KLC1: variants seen among roughly 807,000 people sequenced by gnomAD.
KLC1 encodes kinesin 2 60/70kDa.
KLC1 carries 30 observed loss-of-function variants against 84.2 expected under a neutral mutation model. The ratio of observed to expected loss-of-function variants is 0.36; its 90% CI spans 0.27 to 0.48. KLC1 has a LOEUF of 0.48. Ranked by LOEUF, KLC1 falls within the 20% of genes least tolerant of loss-of-function variation. KLC1 has a pLI of 0.99. For synonymous variants in KLC1, 289 were observed against 293.3 expected, an observed-to-expected ratio of 0.99 and a Z score of 0.15; for missense variants, 499 against 805.4, an observed-to-expected ratio of 0.62 and a Z score of 4.60.
chr14:103,653,244 A>G (rs1323570910), intron 1 of KLC1, among the ~76,000 whole-genome samples: 1 of 152,182 alleles, frequency 6.6e-6, no homozygotes, highest in African/African-American at 2.4e-5. Flanking sequence ...CCTGGACTCA[A>G]GCGATCCTTG....
intron 13 of KLC1, among the ~76,000 whole-genome samples, chr14:103,681,335 C>T (rs1314949610): frequency 1.3e-5 from 2 of 152,322 alleles, no homozygotes; most frequent in East Asian, 3.9e-4. Context: ...AGTGAATTCA[C>T]TGGGTGGGCA....
chr14:103,692,341 T>C lies in KLC1; in HGVS notation c.1782-18T>C, dbSNP rs1314614987. On this transcript the variant is annotated intron_variant, in intron 14 of 16. Transcript: ENST00000334553. ...TGTGCTGATCGTTTGTCCTTGCATGTCCGTGTCCGGGTTGCAGCATGAAGC... is the reference window on the plus strand; with the variant it reads ...TGTGCTGATCGTTTGTCCTTGCATGCCCGTGTCCGGGTTGCAGCATGAAGC... The C allele has an allele frequency of 6.5e-7, 1 of 1,536,424 alleles. No individual in the cohort carries two copies. The highest frequency in any genetic ancestry group is 1.2e-5 in the South Asian group (1 of 84,060).
chr14:103,699,172 T>C, intron 15 of KLC1: 1 of 1,565,698 alleles, frequency 6.4e-7, no homozygotes, highest in Non-Finnish European at 8.6e-7. Flanking sequence ...CTCCATGGCC[T>C]CTGTCACCTG....
In KLC1 at chr14:103,694,734, G is replaced by A. The variant is rs891349994; in HGVS notation, c.1848+2309G>A. 6.9e-5 allele frequency: 68 copies of A among 985,396 alleles called. No individual in the cohort carries two copies. The highest frequency in any genetic ancestry group is 8.0e-5 in the Non-Finnish European group (66 of 829,960). The allele number at this position is 985,396 out of a possible 1,614,324, so 61.0% of individuals were successfully genotyped here. On this transcript the variant is annotated intron_variant, in intron 15 of 16. Transcript: ENST00000334553. The surrounding 1 kb of genome is among the most constrained non-coding windows in gnomAD (Gnocchi z 4.5). ...CAGCTTGCCACTGTCATGTAACAGG[G>A]TGGGTGGTGGCACAGCAGAGGCTCA...
intron 14 of KLC1, among the ~76,000 whole-genome samples, chr14:103,690,063 C>CCAGCTA: frequency 6.6e-6 from 1 of 151,922 alleles, no homozygotes; most frequent in South Asian, 2.1e-4. Flanking sequence ...GCCTGTGGTC[C>CCAGCTA]CAGCTACTCA....
rs1477499902 is a variant in KLC1 at position 103,673,204 on chromosome 14, G to A, written c.1161+17G>A. On this transcript the variant is annotated intron_variant, in intron 8 of 16. Transcript: ENST00000334553. Reference sequence around the variant, plus strand: ...AATAACCTGGTGTGTTGACTGCACAGCACTAGGGAGGGGGCCAGGAGTGCT... The same window carrying A: ...AATAACCTGGTGTGTTGACTGCACAACACTAGGGAGGGGGCCAGGAGTGCT... The A allele has an allele frequency of 6.2e-7, 1 of 1,603,062 alleles. No homozygotes were observed. Among genetic ancestry groups the A allele is most frequent in the Non-Finnish European group, 8.5e-7 (1 of 1,175,540 alleles).
intron 13 of KLC1, chr14:103,686,259 T>A: frequency 1.0e-6 from 1 of 981,124 alleles, no homozygotes; most frequent in Non-Finnish European, 1.2e-6. Context: ...TTGGTAGAAC[T>A]TCTCACTCTT....
intron 15 of KLC1, chr14:103,698,880 G>C: frequency 6.2e-7 from 1 of 1,606,176 alleles, no homozygotes; most frequent in Non-Finnish European, 8.5e-7. Context: ...CAGGTGGGGG[G>C]CAGAGAGCAC....
intron 15 of KLC1, chr14:103,699,532 C>T (rs748230682): frequency 2.5e-5 from 40 of 1,613,432 alleles, no homozygotes; most frequent in Non-Finnish European, 3.1e-5. Context: ...TGCCCCGAGA[C>T]AGCAGTACGG....
intron 5 of KLC1, among the ~76,000 whole-genome samples, chr14:103,668,258 GTCCATTGTTC>G: frequency 6.6e-6 from 1 of 152,316 alleles, no homozygotes; most frequent in Non-Finnish European, 1.5e-5. Context: ...TGCAAGCTTG[GTCCATTGTTC>G]TAGACTGTTG....
intron 5 of KLC1, 64 bp from the exon 6 acceptor site, chr14:103,669,447 G>GAAAAGAA: frequency 2.7e-6 from 2 of 733,366 alleles, no homozygotes; most frequent in Non-Finnish European, 4.1e-6. Context: ...AAAAAGAAAA[G>GAAAAGAA]AAAAGAAAAG....
At chr14:103,658,061 C>T (rs2078955300) in intron 3 of KLC1, among the ~76,000 whole-genome samples, 1 of 152,170 alleles carries the variant, frequency 6.6e-6, no homozygotes, top group African/African-American at 2.4e-5. Flanking sequence ...TAGCAGTGGT[C>T]CAATCTGGCC....
chr14:103,670,338 GGT>G, intron 7 of KLC1, 55 bp downstream of exon 7: 3 of 1,219,090 alleles, frequency 2.5e-6, no homozygotes, highest in Non-Finnish European at 3.4e-6. Context: ...GTGTGTGTGT[GGT>G]TTTTTTTTTT....
intron 13 of KLC1, chr14:103,683,080 A>G (rs1216797808): frequency 6.6e-6 from 1 of 152,230 alleles, no homozygotes; most frequent in Non-Finnish European, 1.5e-5. Context: ...CTCAATATTC[A>G]TAAGTAACAT....
chr14:103,654,738 A>G lies in KLC1; in HGVS notation c.174A>G (p.Lys58=), dbSNP rs201495416. 7.4e-6 allele frequency: 12 copies of G among 1,614,212 alleles called. No homozygotes were observed. The highest frequency in any genetic ancestry group is 8.5e-6 in the Non-Finnish European group (10 of 1,180,022). The change falls in exon 2 of 17, where the codon AAA becomes AAG. Residue 58 remains lysine (K), a synonymous_variant. Coordinates refer to ENST00000334553, the MANE Select transcript of KLC1 (RefSeq NM_001394837.1). The stretch of plus-strand genomic sequence containing the variant: ...TGGAGACACTGAAGTGTTTGAAGAA[A>G]GATGATGAAAGTAATTTGGTGGAGG... ...SLLETLKCLK[K]DDESNLVEEK... is the part of the protein sequence containing the mutation.
chr14:103,693,289 C>T lies in KLC1; in HGVS notation c.1848+864C>T, dbSNP rs1175852297. On this transcript the variant is annotated intron_variant, in intron 15 of 16. Coordinates refer to ENST00000334553, the MANE Select transcript of KLC1 (RefSeq NM_001394837.1). The surrounding 1 kb of genome is among the most constrained non-coding windows in gnomAD (Gnocchi z 5.1). ...CCCTTCTCGGTGGCTGTTAAAGAGG[C>T]TTGTAGGGTGCTGGACATGTTGCTT... Among the ~76,000 whole-genome samples the T allele has an allele frequency of 6.6e-6, 1 of 151,618 alleles. No homozygotes were observed. The highest frequency in any genetic ancestry group is 1.5e-5 in the Non-Finnish European group (1 of 67,860).
At chr14:103,669,247 C>T (rs1377993494) in intron 5 of KLC1, among the ~76,000 whole-genome samples, 2 of 151,506 alleles carry the variant, frequency 1.3e-5, no homozygotes, top group African/African-American at 4.8e-5. Flanking sequence ...CCACCCTGGC[C>T]AACATGGTGA....
intron 1 of KLC1, among the ~76,000 whole-genome samples, chr14:103,653,751 CTG>C (rs2078641441): frequency 6.6e-6 from 1 of 152,216 alleles, no homozygotes; most frequent in Non-Finnish European, 1.5e-5. Flanking sequence ...ATCCCTGTCA[CTG>C]TGCCGAAAAA....
intron 1 of KLC1, among the ~76,000 whole-genome samples, chr14:103,638,036 G>C (rs530982416): frequency 8.5e-5 from 13 of 152,072 alleles, no homozygotes; most frequent in Non-Finnish European, 4.4e-5. Flanking sequence ...GACTGTTCCT[G>C]TAGGCTGGTC....
Sources: gnomAD v4.1 joint callset for allele counts (sites outside exome capture counted in the v4.1 genomes callset) on GRCh38, gnomAD v4.1.1 for gene constraint, Gnocchi (gnomAD v3.1) non-coding constraint, MANE v1.5 for transcripts, NCBI Gene and HGNC (gene_info 2026-07-23, HGNC 2026-07-21) for gene names.